Variants in TBL1XR1 observed in about 807,000 individuals in gnomAD.
The protein encoded by TBL1XR1 is F-box-like/WD repeat-containing protein TBL1XR1.
A neutral mutation model predicts 66.9 loss-of-function variants in TBL1XR1; 5 were observed. The observed-to-expected ratio is 0.07, with a 90% confidence interval of 0.04 to 0.16. The LOEUF is 0.16. TBL1XR1 is among the 10% of genes least tolerant of loss of function. TBL1XR1 has a pLI of 1.00. For synonymous variants in TBL1XR1, 210 were observed against 206.0 expected (o/e 1.02, Z -0.17); for missense variants, 238 against 623.2 (o/e 0.38, Z 6.58).
chr3:177,054,501 C>T lies in TBL1XR1; in HGVS notation c.59-583G>A, dbSNP rs74782639. The stretch of plus-strand genomic sequence containing the variant: ...TACTTCATGTAATTGTTATCTACTA[C>T]GTAGTTATAATTCAATAATGTCTGT... On this transcript the variant is annotated intron_variant, in intron 3 of 15. Coordinates refer to ENST00000457928, the MANE Select transcript of TBL1XR1 (RefSeq NM_024665.7). Among the ~76,000 whole-genome samples, 288 of 152,104 alleles carry T rather than the reference C, an allele frequency of 1.9e-3. 1 individual carries two copies. The highest frequency in any genetic ancestry group is 6.7e-3 in the African/African-American group (276 of 41,492).
At chr3:177,106,286 G>A (rs984523557) in intron 1 of TBL1XR1, among the ~76,000 whole-genome samples, 6 of 152,086 alleles carry the variant, frequency 3.9e-5, no homozygotes, top group Non-Finnish European at 7.4e-5. Flanking sequence ...AAACCATCGC[G>A]CAAATCAATG....
At chr3:177,170,532 C>T (rs574680825) in intron 1 of TBL1XR1, among the ~76,000 whole-genome samples, 3 of 152,084 alleles carry the variant, frequency 2.0e-5, no homozygotes, top group South Asian at 4.1e-4. Context: ...TTCCTGTTGA[C>T]GTGGCACAGT....
intron 2 of TBL1XR1, among the ~76,000 whole-genome samples, chr3:177,071,982 A>G (rs2108569266): frequency 6.6e-6 from 1 of 152,344 alleles, no homozygotes; most frequent in South Asian, 2.1e-4. Context: ...GAAGAGAAGT[A>G]CATCACTCCA....
At chr3:177,168,384 C>T (rs188439022) in intron 1 of TBL1XR1, among the ~76,000 whole-genome samples, 11 of 151,798 alleles carry the variant, frequency 7.2e-5, no homozygotes, top group Non-Finnish European at 1.3e-4. Flanking sequence ...CGCATTCAAG[C>T]GATTCTCCTG....
chr3:177,035,619 G>A (rs1354609820), intron 12 of TBL1XR1, among the ~76,000 whole-genome samples: 1 of 152,016 alleles, frequency 6.6e-6, no homozygotes, highest in African/African-American at 2.4e-5. Flanking sequence ...TCACCATGTT[G>A]ACCAGCCTGG....
intron 1 of TBL1XR1, among the ~76,000 whole-genome samples, chr3:177,142,585 C>T (rs115663201): frequency 1.6e-3 from 245 of 152,248 alleles, no homozygotes; most frequent in African/African-American, 4.8e-3. Context: ...AGTCAAGTCC[C>T]GTCTCCTACC....
At position 177,022,595 on chromosome 3, in the gene TBL1XR1, A is replaced by G. The variant is rs1212391121; in HGVS notation, c.*2903T>C. 2 of 152,442 alleles carry G rather than the reference A, an allele frequency of 1.3e-5. No individual in the cohort carries two copies. Among genetic ancestry groups the G allele is most frequent in the East Asian group, 3.9e-4 (2 of 5,190 alleles). The allele number at this position is 152,442 out of a possible 1,614,324, so 9.4% of individuals were successfully genotyped here. On this transcript the variant is annotated 3_prime_UTR_variant, in exon 16 of 16. Transcript: ENST00000457928. The stretch of plus-strand genomic sequence containing the variant: ...GTTTTCCTTTCTATTTTTCCTTATG[A>G]TAAGTTTCTTACAGTAGCTTATACA...
In TBL1XR1 at chr3:177,050,597, A is replaced by C. The variant is rs1197826368; in HGVS notation, c.441T>G (p.Asp147Glu). The C allele has an allele frequency of 6.2e-7, 1 of 1,613,628 alleles. No individual in the cohort carries two copies. The highest frequency in any genetic ancestry group is 1.3e-5 in the African/African-American group (1 of 74,912). ...GAHTIANNHT[D>E]MMEVDGDVEI... Reference sequence around the variant, plus strand: ...CAACATCCCCATCCACTTCCATCATATCAGTATGATTATCTGCATCGTGAA... The same window carrying C: ...CAACATCCCCATCCACTTCCATCATCTCAGTATGATTATCTGCATCGTGAA... Residue 147 changes from aspartate (D) to glutamate (E), a missense_variant, in exon 6 of 16, where the codon GAT (aspartate) becomes GAG (glutamate). This residue lies in a region of TBL1XR1 where 80 missense variants were observed against 100.5 expected (regional missense o/e 0.80). Transcript: ENST00000457928.
intron 3 of TBL1XR1, 115 bp downstream of exon 3, chr3:177,064,805 T>G (rs754826780): frequency 1.4e-6 from 1 of 720,608 alleles, no homozygotes; most frequent in Non-Finnish European, 2.3e-6. Flanking sequence ...GTCCAGACAT[T>G]AAGAAAACAT....
In TBL1XR1 at chr3:177,087,496, G is replaced by A. The variant is rs1255816542; in HGVS notation, c.-46+10970C>T. Among the ~76,000 whole-genome samples the A allele has an allele frequency of 2.0e-5, 3 of 152,002 alleles. No homozygotes were observed. The South Asian group carries it at 6.2e-4, about 32-fold the overall frequency. On this transcript the variant is annotated intron_variant, in intron 2 of 15. Transcript: ENST00000457928. The stretch of plus-strand genomic sequence containing the variant: ...TCCTTACAGGTGCTAGTAAATCATA[G>A]AAAAAGAGAGAAAATAGGCATGGTG...
At chr3:177,112,107 A>ATATATTTT in intron 1 of TBL1XR1, among the ~76,000 whole-genome samples, 4 of 37,644 alleles carry the variant, frequency 1.1e-4, no homozygotes, top group South Asian at 2.1e-3. Flanking sequence ...ATATATATAT[A>ATATATTTT]TTTTTTTTTT....
chr3:177,155,268 ACTGT>A (rs1429723549), intron 1 of TBL1XR1, among the ~76,000 whole-genome samples: 3 of 152,200 alleles, frequency 2.0e-5, no homozygotes, highest in Non-Finnish European at 4.4e-5. Context: ...GTGAAACTAA[ACTGT>A]CTTTTGAACA....
chr3:177,058,800 T>C (rs1313997550), intron 3 of TBL1XR1, among the ~76,000 whole-genome samples: 1 of 152,236 alleles, frequency 6.6e-6, no homozygotes, highest in Non-Finnish European at 1.5e-5. Flanking sequence ...AATTCTCTGT[T>C]TGGCAACTAT....
chr3:177,076,307 G>C (rs1463516030), intron 2 of TBL1XR1, among the ~76,000 whole-genome samples: 1 of 152,200 alleles, frequency 6.6e-6, no homozygotes, highest in African/African-American at 2.4e-5. Context: ...ATAGAGCTTG[G>C]CTTGTAGACA....
chr3:177,082,900 C>T (rs569173859), intron 2 of TBL1XR1, among the ~76,000 whole-genome samples: 42 of 150,902 alleles, frequency 2.8e-4, no homozygotes, highest in African/African-American at 9.5e-4. Flanking sequence ...GGACTACAGG[C>T]GACCACCACC....
intron 2 of TBL1XR1, among the ~76,000 whole-genome samples, chr3:177,086,538 A>G (rs1722143877): frequency 6.6e-6 from 1 of 152,132 alleles, no homozygotes; most frequent in African/African-American, 2.4e-5. Context: ...GCTCTGTTAC[A>G]TGACATGGGG....
intron 1 of TBL1XR1, among the ~76,000 whole-genome samples, chr3:177,116,171 T>C (rs999139252): frequency 6.6e-6 from 1 of 152,160 alleles, no homozygotes; most frequent in African/African-American, 2.4e-5. Flanking sequence ...TTTACTTACT[T>C]GAAACCAACT....
At chr3:177,135,485 A>G (rs148134764) in intron 1 of TBL1XR1, among the ~76,000 whole-genome samples, 1 of 142,200 alleles carries the variant, frequency 7.0e-6, no homozygotes, top group African/African-American at 2.6e-5. Flanking sequence ...CCGGGTTCAC[A>G]CCATTCTCCT....
chr3:177,070,130 GAAAGCAGT>G (rs992379346), intron 2 of TBL1XR1, among the ~76,000 whole-genome samples: 2 of 151,988 alleles, frequency 1.3e-5, no homozygotes, highest in Admixed American at 1.3e-4. Flanking sequence ...CTTGAGGCTT[GAAAGCAGT>G]AAACTAGCAT....
Sources: allele counts gnomAD v4.1 joint callset (sites outside exome capture counted in the v4.1 genomes callset), GRCh38; gene constraint gnomAD v4.1.1; regional missense constraint gnomAD v4.1.1; transcripts MANE v1.5; gene names NCBI Gene and HGNC (gene_info 2026-07-23, HGNC 2026-07-21).